AXDND1: variants seen among roughly 807,000 people sequenced by gnomAD.
The protein encoded by AXDND1 is axonemal dynein light chain domain-containing protein 1.
In AXDND1, 110 loss-of-function variants were observed where a neutral mutation model predicts 137.5. The observed-to-expected ratio is 0.80, with a 90% CI of 0.69 to 0.94. The LOEUF is 0.94. Among genes scored for constraint, AXDND1 ranks in the 40% least tolerant of loss-of-function variants. The pLI, the probability that AXDND1 is intolerant of heterozygous loss-of-function variation, is 0.00. For synonymous variants in AXDND1, 414 were observed against 399.7 expected (o/e 1.04, Z -0.43); for missense variants, 1,191 against 1,169.8 (o/e 1.02, Z -0.26).
At chr1:179,519,737 C>T (rs571797400) in intron 21 of AXDND1, among the ~76,000 whole-genome samples, 2 of 152,102 alleles carry the variant, frequency 1.3e-5, no homozygotes, top group African/African-American at 4.8e-5. Context: ...CATTTTGTTC[C>T]ATTGGTGTAT....
At chr1:179,479,627 A>T (rs1461388046) in intron 17 of AXDND1, among the ~76,000 whole-genome samples, 1 of 151,544 alleles carries the variant, frequency 6.6e-6, no homozygotes, top group Non-Finnish European at 1.5e-5. Flanking sequence ...AATACAAAAA[A>T]TTAGCTGGGC....
intron 25 of AXDND1, chr1:179,543,695 G>A (rs1205321536): frequency 6.6e-6 from 1 of 152,126 alleles, no homozygotes; most frequent in African/African-American, 2.4e-5. Flanking sequence ...TTCACTCCTT[G>A]ACCACATTCT....
intron 15 of AXDND1, 64 bp downstream of exon 15, chr1:179,432,406 C>G: frequency 2.0e-6 from 3 of 1,464,130 alleles, no homozygotes; most frequent in Non-Finnish European, 2.7e-6. Context: ...CATTCCGGAC[C>G]TACAACTGAG....
chr1:179,430,634 G>T, intron 14 of AXDND1, 28 bp downstream of exon 14: 3 of 1,595,372 alleles, frequency 1.9e-6, no homozygotes, highest in South Asian at 1.1e-5. Flanking sequence ...TTGTTTTTCT[G>T]ATTATACTTA....
At chr1:179,421,053 C>CTTCG (rs1344926308) in intron 12 of AXDND1, among the ~76,000 whole-genome samples, 3 of 110,122 alleles carry the variant, frequency 2.7e-5, no homozygotes, top group African/African-American at 1.1e-4. Flanking sequence ...TCCTTCCTTC[C>CTTCG]TTCCTTCCTT....
At chr1:179,472,378 C>A (rs566699991) in intron 17 of AXDND1, among the ~76,000 whole-genome samples, 34 of 151,918 alleles carry the variant, frequency 2.2e-4, no homozygotes, top group Admixed American at 1.6e-3. Context: ...TTATATTATT[C>A]TAGCATTAAA....
In AXDND1 at chr1:179,414,969, GA is replaced by G. The variant is rs71111993; in HGVS notation, c.1230+3708del. Among the ~76,000 whole-genome samples, 9 of 151,826 alleles carry G rather than the reference GA, an allele frequency of 5.9e-5. No homozygotes were observed. In the East Asian group the frequency reaches 1.7e-3, roughly 29 times the overall value. On this transcript the variant is annotated intron_variant, in intron 12 of 25. Coordinates refer to ENST00000367618, the MANE Select transcript of AXDND1 (RefSeq NM_144696.6). ...TAGATAAATACAACAGAATAGAATAGAAAAAGGTCAGAAATAGACTCACCTA... is the reference window on the plus strand; with the variant it reads ...TAGATAAATACAACAGAATAGAATAGAAAAGGTCAGAAATAGACTCACCTA...
intron 4 of AXDND1, among the ~76,000 whole-genome samples, chr1:179,370,656 G>A (rs1362050225): frequency 5.3e-5 from 8 of 152,206 alleles, no homozygotes; most frequent in Non-Finnish European, 8.8e-5. Flanking sequence ...TCCCTGTGAA[G>A]ATTGAGACCT....
Position 179,488,634 on chromosome 1 carries a change from CCTTTCTTTCTTTCTTT to C in AXDND1, c.2092-2854_2092-2839del, listed in dbSNP as rs57848949. On this transcript the variant is annotated intron_variant, in intron 18 of 25. Transcript: ENST00000367618. ...TTTCTTTCTTTCTCTCTCTCTCTCT[CCTTTCTTTCTTTCTTT>C]CTTTCTTTCTTTCTTTCTTTCTTTC... is the stretch of plus-strand genomic sequence containing the variant. Among the ~76,000 whole-genome samples the C allele has an allele frequency of 1.6e-3, 165 of 105,236 alleles. 6 individuals are homozygous for C. Among genetic ancestry groups the C allele is most frequent in the African/African-American group, 2.5e-3 (64 of 25,646 alleles). 69.0% of individuals were successfully genotyped at this position (105,236 alleles called of 152,430 possible). A position where few individuals can be genotyped will look rare whatever the true frequency, so the allele number is the denominator to read the frequency against.
At chr1:179,380,106 G>A (rs1350208205) in intron 6 of AXDND1, among the ~76,000 whole-genome samples, 3 of 151,676 alleles carry the variant, frequency 2.0e-5, no homozygotes, top group East Asian at 2.0e-4. Context: ...AAAAATAGCC[G>A]GGCGTGGTGG....
chr1:179,461,394 T>G (rs1478851051), intron 16 of AXDND1, among the ~76,000 whole-genome samples: 1 of 152,140 alleles, frequency 6.6e-6, no homozygotes, highest in Non-Finnish European at 1.5e-5. Context: ...GGCTCTGTCC[T>G]GTTCCATTGG....
intron 16 of AXDND1, chr1:179,448,709 A>T (rs1368340936): frequency 1.2e-5 from 2 of 166,094 alleles, no homozygotes; most frequent in Non-Finnish European, 2.6e-5. Flanking sequence ...TAAGTACAAA[A>T]GTTTTTAATT....
At chr1:179,493,003 C>A in intron 20 of AXDND1, 52 bp downstream of exon 20, 1 of 1,347,532 alleles carries the variant, frequency 7.4e-7, no homozygotes, top group Non-Finnish European at 1.0e-6. Flanking sequence ...TTGTTTTTAT[C>A]AGATTTTTGA....
rs914228163 is a variant in AXDND1, at chr1:179,443,021, A to G, written c.1564-1949A>G. ...GGGCGGTGATTGTCGAGTAATTGTC[A>G]ATGGGCCATTTGGTTCACAGCAGGC... On this transcript the variant is annotated intron_variant, in intron 15 of 25. Transcript: ENST00000367618. 1.8e-4 allele frequency among the ~76,000 whole-genome samples: 27 copies of G among 152,282 alleles called. 3 individuals are homozygous for G. The highest frequency in any genetic ancestry group is 1.6e-3 in the Admixed American group (24 of 15,294).
chr1:179,537,296 T>A (rs1230566720), intron 25 of AXDND1, among the ~76,000 whole-genome samples: 1 of 151,950 alleles, frequency 6.6e-6, no homozygotes, highest in East Asian at 1.9e-4. Context: ...CTGGGAATGC[T>A]TCCAGTTTTT....
At chr1:179,396,475 C>T (rs1198882673) in intron 11 of AXDND1, among the ~76,000 whole-genome samples, 1 of 152,028 alleles carries the variant, frequency 6.6e-6, no homozygotes, top group Non-Finnish European at 1.5e-5. Context: ...CGGTGAAACC[C>T]TGTCTCTACT....
At chr1:179,369,545 G>A (rs916524524) in intron 3 of AXDND1, among the ~76,000 whole-genome samples, 2 of 152,048 alleles carry the variant, frequency 1.3e-5, no homozygotes, top group Admixed American at 6.6e-5. Flanking sequence ...CCAGCTACTC[G>A]GGAGGCTGAG....
At position 179,382,722 on chromosome 1, in the gene AXDND1, GA is replaced by G. The variant is rs765460878; in HGVS notation, c.605del (p.Asp202ValfsTer12). The G allele has an allele frequency of 6.2e-7, 1 of 1,603,772 alleles. No individual in the cohort carries two copies. On this transcript the variant is annotated frameshift_variant, in exon 7 of 26. Transcript: ENST00000367618. LOFTEE classifies it high-confidence loss of function. ...YDDKYTTLLT[D>X]SENRLLLFPS... ...TAGCAAATACACTACTCTCCTCACA[GA>G]TAGTGAAAACAGGCTATTGCTCTTC...
chr1:179,516,658 A>G (rs910846218), intron 21 of AXDND1, among the ~76,000 whole-genome samples: 2 of 152,182 alleles, frequency 1.3e-5, no homozygotes, highest in Admixed American at 6.5e-5. Flanking sequence ...CCCTTGATGT[A>G]GTACTCTCCC....
Sources: gnomAD v4.1 joint callset for allele counts (sites outside exome capture counted in the v4.1 genomes callset) on GRCh38, gnomAD v4.1.1 for gene constraint, MANE v1.5 for transcripts, NCBI Gene and HGNC (gene_info 2026-07-23, HGNC 2026-07-21) for gene names.